Variants in ATP6AP2 observed in about 807,000 individuals in gnomAD.
The protein encoded by ATP6AP2 is renin receptor.
Under a neutral mutation model 23.4 loss-of-function variants are expected in ATP6AP2, and 1 was observed. That is an observed-to-expected ratio of 0.04 (90% confidence interval 0.02 to 0.20). The LOEUF is 0.20. Ranked by LOEUF, ATP6AP2 falls within the 10% of genes least tolerant of loss-of-function variation. The pLI is 1.00. For missense variants in ATP6AP2, 174 were observed against 271.3 expected, an observed-to-expected ratio of 0.64 and a Z score of 2.52; for synonymous variants, 90 against 97.1, an observed-to-expected ratio of 0.93 and a Z score of 0.43.
chrX:40,598,444 A>C, intron 5 of ATP6AP2: 1 of 403,127 alleles, frequency 2.5e-6, no homozygotes. Flanking sequence ...GGTTTTGCCA[A>C]AAATATAGCT....
Position 40,595,663 on chromosome X carries a change from C to CATTGCATCAGG in ATP6AP2, c.301-1586_301-1585insATTGCATCAGG, listed in dbSNP as rs1207265525. On this transcript the variant is annotated intron_variant, in intron 3 of 8. Coordinates refer to ENST00000636580, the MANE Select transcript of ATP6AP2 (RefSeq NM_005765.3). ...TTTGCATCATTTGCTCATGTATTCC[C>CATTGCATCAGG]CTCACAGCCTGAGGAGGTAAACTCT... Among the ~76,000 whole-genome samples the CATTGCATCAGG allele has an allele frequency of 3.6e-5, 4 of 111,505 alleles. No individual in the cohort carries two copies. In the Admixed American group the frequency reaches 3.8e-4, roughly 11 times the overall value.
chrX:40,585,255 A>G (rs906019469), intron 1 of ATP6AP2, among the ~76,000 whole-genome samples: 1 of 112,037 alleles, frequency 8.9e-6, no homozygotes, highest in African/African-American at 3.2e-5. Flanking sequence ...TATATACTTT[A>G]CATGGAGAGG....
chrX:40,598,544 A>G, intron 5 of ATP6AP2, 137 bp from the exon 6 acceptor site: 6 of 635,393 alleles, frequency 9.4e-6, no homozygotes, highest in Non-Finnish European at 1.5e-5. Flanking sequence ...AAGCAAACAT[A>G]CCAAATGGAA....
At chrX:40,600,931 T>TTAAA in intron 8 of ATP6AP2, 50 bp downstream of exon 8, 1 of 974,841 alleles carries the variant, frequency 1.0e-6, no homozygotes, top group East Asian at 3.5e-5. Flanking sequence ...TAACTTCTTA[T>TTAAA]AAAAAAAAAA....
At position 40,601,856 on chromosome X, in the gene ATP6AP2, T is replaced by C. The variant is rs770959030; in HGVS notation, c.858+975T>C. 9.7e-4 allele frequency among the ~76,000 whole-genome samples: 109 copies of C among 112,627 alleles called. 1 individual carries two copies. Among genetic ancestry groups the C allele is most frequent in the Middle Eastern group, 4.6e-3 (1 of 219 alleles). ...AGTCTAGCGATTACTGGTTTGAGAT[T>C]GTTTCTTTCTAAATTAAATTGGGGA... On this transcript the variant is annotated intron_variant, in intron 8 of 8. Coordinates refer to ENST00000636580, the MANE Select transcript of ATP6AP2 (RefSeq NM_005765.3).
intron 1 of ATP6AP2, among the ~76,000 whole-genome samples, chrX:40,585,159 G>A (rs1211549739): frequency 8.9e-6 from 1 of 112,400 alleles, no homozygotes; most frequent in Non-Finnish European, 1.9e-5. Flanking sequence ...TACTACACAG[G>A]TATCTCATCC....
intron 1 of ATP6AP2, among the ~76,000 whole-genome samples, chrX:40,583,619 A>G (rs1477661107): frequency 4.5e-5 from 5 of 111,739 alleles, no homozygotes; most frequent in Non-Finnish European, 7.5e-5. Flanking sequence ...GTGAATGATC[A>G]GATCTGTATT....
chrX:40,601,591 T>C (rs1926906499), intron 8 of ATP6AP2, among the ~76,000 whole-genome samples: 1 of 112,221 alleles, frequency 8.9e-6, no homozygotes, highest in Non-Finnish European at 1.9e-5. Context: ...CATACATATA[T>C]ACTTACAGCT....
At chrX:40,592,126 T>TTA (rs1926647321) in intron 3 of ATP6AP2, 2 of 113,175 alleles carry the variant, frequency 1.8e-5, no homozygotes, top group African/African-American at 6.5e-5. Flanking sequence ...AGAATTAGAA[T>TTA]TATAGGCTTA....
At position 40,600,128 on chromosome X, in the gene ATP6AP2, C is replaced by T. The variant is rs114177027; in HGVS notation, c.738+387C>T. The T allele has an allele frequency of 8.7e-3, 1,975 of 227,513 alleles. 35 individuals carry two copies. Among genetic ancestry groups the T allele is most frequent in the African/African-American group, 0.053 (1,804 of 34,129 alleles). The allele number at this position is 227,513 out of a possible 1,213,427, so 18.7% of individuals were successfully genotyped here. A position where few individuals can be genotyped will look rare whatever the true frequency, so the allele number is the denominator to read the frequency against. Reference sequence around the variant, plus strand: ...ACTTTTTCTTCTTCCCCAACTGAAACTCTGTACTCCTTAAACACTATGAGA... The same window carrying T: ...ACTTTTTCTTCTTCCCCAACTGAAATTCTGTACTCCTTAAACACTATGAGA... On this transcript the variant is annotated intron_variant, in intron 7 of 8. Transcript: ENST00000636580.
At chrX:40,599,985 G>A (rs1416218206) in intron 7 of ATP6AP2, 6 of 361,269 alleles carry the variant, frequency 1.7e-5, no homozygotes, top group Non-Finnish European at 2.9e-5. Context: ...AAATTATTGT[G>A]GTAAAATATA....
intron 3 of ATP6AP2, chrX:40,592,508 A>G (rs1926659686): frequency 9.0e-6 from 1 of 110,989 alleles, no homozygotes; most frequent in Non-Finnish European, 1.9e-5. Flanking sequence ...AAAAAGAAAG[A>G]AAGAGAAAAA....
chrX:40,588,889 C>A, intron 1 of ATP6AP2, 97 bp from the exon 2 acceptor site: 2 of 952,198 alleles, frequency 2.1e-6, no homozygotes, highest in Middle Eastern at 3.8e-4. Context: ...TACGCTAAGT[C>A]AGTGGTGAAT....
chrX:40,591,573 G>A (rs1926629882), intron 3 of ATP6AP2: 1 of 436,728 alleles, frequency 2.3e-6, no homozygotes, highest in Non-Finnish European at 3.8e-6. Flanking sequence ...GTGGATGAGA[G>A]TACTGTTTAA....
In ATP6AP2 at chrX:40,598,686, C is replaced by G; in HGVS notation, c.540C>G (p.Asp180Glu). 8.3e-7 allele frequency: 1 copy of G among 1,209,620 alleles called. No homozygotes were observed. The highest frequency in any genetic ancestry group is 1.8e-5 in the South Asian group (1 of 56,931). ...TTTTTTTGGGCTCTCTGAAGGTTGACCTGCTCTTTCTTTCTGAACTGCAAG... is the reference window on the plus strand; with the variant it reads ...TTTTTTTGGGCTCTCTGAAGGTTGAGCTGCTCTTTCTTTCTGAACTGCAAG... ...LNSLSRNNEV[D>E]LLFLSELQVL... is the part of the protein sequence containing the mutation. The change falls in exon 6 of 9, where the codon GAC becomes GAG. Residue 180 changes from aspartate (D) to glutamate (E), a missense_variant. By Grantham distance (45) the Asp-to-Glu change is conservative. Coordinates refer to ENST00000636580, the MANE Select transcript of ATP6AP2 (RefSeq NM_005765.3).
In ATP6AP2 at chrX:40,588,712, G is replaced by GTTTT. The variant is rs1926544363; in HGVS notation, c.38-271_38-270insTTTT. On this transcript the variant is annotated intron_variant, in intron 1 of 8. Transcript: ENST00000636580. Reference sequence around the variant, plus strand: ...TGATCTCTTTTTGAGACTTTTGTTTGTTTCTTGTTCTTATCAGGCAGACCC... The same window carrying GTTTT: ...TGATCTCTTTTTGAGACTTTTGTTTGTTTTTTTCTTGTTCTTATCAGGCAGACCC... Among the ~76,000 whole-genome samples the GTTTT allele has an allele frequency of 2.7e-5, 3 of 110,622 alleles. No homozygotes were observed. The South Asian group carries it at 1.1e-3, about 42-fold the overall frequency.
At chrX:40,593,571 ATG>A (rs1926700392) in intron 3 of ATP6AP2, among the ~76,000 whole-genome samples, 1 of 110,047 alleles carries the variant, frequency 9.1e-6, no homozygotes, top group Non-Finnish European at 1.9e-5. Flanking sequence ...CAGTGGCGCA[ATG>A]TCATCTCACT....
Position 40,600,931 on chromosome X carries a change from T to TA in ATP6AP2, c.858+63dup, listed in dbSNP as rs10590549. The TA allele has an allele frequency of 0.16, 131,648 of 821,718 alleles. 1,613 individuals carry two copies. The highest frequency in any genetic ancestry group is 0.28 in the African/African-American group (12,543 of 44,143). The allele number at this position is 821,718 out of a possible 1,213,427, so 67.7% of individuals were successfully genotyped here. A position where few individuals can be genotyped will look rare whatever the true frequency, so the allele number is the denominator to read the frequency against. On this transcript the variant is annotated intron_variant, in intron 8 of 8. Coordinates refer to ENST00000636580, the MANE Select transcript of ATP6AP2 (RefSeq NM_005765.3). The stretch of plus-strand genomic sequence containing the variant: ...TTAAAACTGTAAAATTAACTTCTTA[T>TA]AAAAAAAAAAAAACCAAGTCCTATA...
At chrX:40,604,784 TG>T (rs1224256829) in intron 8 of ATP6AP2, among the ~76,000 whole-genome samples, 1 of 111,896 alleles carries the variant, frequency 8.9e-6, no homozygotes, top group African/African-American at 3.2e-5. Flanking sequence ...TTATATAAAT[TG>T]AATCATACTA....
Sources: gnomAD v4.1 joint callset for allele counts (sites outside exome capture counted in the v4.1 genomes callset) on GRCh38, gnomAD v4.1.1 for gene constraint, MANE v1.5 for transcripts, NCBI Gene and HGNC (gene_info 2026-07-23, HGNC 2026-07-21) for gene names.